The following EYS variants were observed in gnomAD, a reference collection of about 807,000 sequenced individuals.
EYS encodes protein eyes shut homolog.
Under a neutral mutation model 282.1 loss-of-function variants are expected in EYS, and 250 were observed. The observed-to-expected ratio is 0.89, with a 90% confidence interval of 0.80 to 0.98. EYS has a LOEUF of 0.98. Ranked by LOEUF, EYS falls within the 50% of genes least tolerant of loss-of-function variation. The probability of loss-of-function intolerance (pLI) is 0.00; values close to 1 mark genes in which losing one functional copy is unlikely to be tolerated. For missense variants in EYS, 4,016 were observed against 3,709.0 expected, an observed-to-expected ratio of 1.08 and a Z score of -2.15; for synonymous variants, 1,355 against 1,282.9, an observed-to-expected ratio of 1.06 and a Z score of -1.20.
intron 35 of EYS, among the ~76,000 whole-genome samples, chr6:63,884,324 AT>A (rs1407944050): frequency 6.6e-6 from 1 of 152,044 alleles, no homozygotes; most frequent in African/African-American, 2.4e-5. Context: ...AAAAATTCAA[AT>A]TTTAGATGCA....
chr6:63,780,833 T>A (rs894921965), intron 39 of EYS, among the ~76,000 whole-genome samples: 2 of 152,250 alleles, frequency 1.3e-5, no homozygotes, highest in Non-Finnish European at 2.9e-5. Flanking sequence ...TATGCCTATG[T>A]CCTGAATGGT....
chr6:65,373,486 A>C (rs2150343526), intron 8 of EYS, among the ~76,000 whole-genome samples: 1 of 152,152 alleles, frequency 6.6e-6, no homozygotes, highest in Admixed American at 6.6e-5. Context: ...TCTGGGAGGT[A>C]AAATCAATTT....
At chr6:64,462,268 T>A (rs965294462) in intron 26 of EYS, among the ~76,000 whole-genome samples, 2 of 152,208 alleles carry the variant, frequency 1.3e-5, no homozygotes, top group East Asian at 3.8e-4. Flanking sequence ...GATGACATAA[T>A]GCTTAGAGAA....
chr6:63,942,072 T>A (rs1765260115), intron 35 of EYS, among the ~76,000 whole-genome samples: 1 of 152,224 alleles, frequency 6.6e-6, no homozygotes, highest in Non-Finnish European at 1.5e-5. Flanking sequence ...TAGGAAAACA[T>A]GATGTCTCTA....
intron 15 of EYS, among the ~76,000 whole-genome samples, chr6:64,943,092 A>G (rs997210318): frequency 6.6e-6 from 1 of 152,150 alleles, no homozygotes; most frequent in Non-Finnish European, 1.5e-5. Context: ...CTGCATAAAC[A>G]GAATTAAAAA....
chr6:65,179,025 C>T (rs1378972181), intron 12 of EYS, among the ~76,000 whole-genome samples: 1 of 152,006 alleles, frequency 6.6e-6, no homozygotes, highest in Non-Finnish European at 1.5e-5. Context: ...AGAACAAAGA[C>T]ACAACATACC....
chr6:64,222,903 T>C (rs1359544691), intron 31 of EYS, among the ~76,000 whole-genome samples: 1 of 151,820 alleles, frequency 6.6e-6, no homozygotes, highest in East Asian at 1.9e-4. Flanking sequence ...TTTAGTCTTA[T>C]ATTAAGTCCA....
At chr6:64,365,909 G>T (rs1196233291) in intron 29 of EYS, among the ~76,000 whole-genome samples, 2 of 152,032 alleles carry the variant, frequency 1.3e-5, no homozygotes, top group African/African-American at 4.8e-5. Context: ...AAGGACTACT[G>T]TAATCTGCAG....
At chr6:64,449,453 C>T (rs1775239922) in intron 26 of EYS, among the ~76,000 whole-genome samples, 1 of 152,152 alleles carries the variant, frequency 6.6e-6, no homozygotes, top group East Asian at 1.9e-4. Context: ...CCCAGGAGAA[C>T]TTCCCCAATC....
intron 22 of EYS, among the ~76,000 whole-genome samples, chr6:64,791,134 A>G (rs1367080510): frequency 2.6e-5 from 4 of 151,888 alleles, no homozygotes; most frequent in Non-Finnish European, 5.9e-5. Context: ...ATTGTTTTGC[A>G]TAATGTGCAT....
chr6:65,506,247 T>C (rs1486756151), intron 2 of EYS, among the ~76,000 whole-genome samples: 1 of 152,130 alleles, frequency 6.6e-6, no homozygotes, highest in African/African-American at 2.4e-5. Flanking sequence ...AAATAGATTA[T>C]AGGTGGGTCT....
chr6:64,413,525 AAACAACAACAACAACAAC>A (rs140486442), intron 28 of EYS, among the ~76,000 whole-genome samples: 1 of 146,214 alleles, frequency 6.8e-6, no homozygotes. Flanking sequence ...ATTCTTGTCC[AAACAACAACAACAACAAC>A]AACAACAACA....
intron 31 of EYS, among the ~76,000 whole-genome samples, chr6:64,112,335 AT>A: frequency 6.6e-6 from 1 of 151,826 alleles, no homozygotes; most frequent in East Asian, 1.9e-4. Context: ...AAGAAGTTTA[AT>A]TGATTTTTCC....
intron 12 of EYS, among the ~76,000 whole-genome samples, chr6:65,293,647 A>G (rs1019490125): frequency 5.9e-5 from 9 of 151,960 alleles, no homozygotes; most frequent in African/African-American, 2.2e-4. Flanking sequence ...AGTTTTCTTA[A>G]AGTGGTTCAC....
intron 2 of EYS, among the ~76,000 whole-genome samples, chr6:65,509,561 T>C (rs1167131741): frequency 6.6e-6 from 1 of 152,226 alleles, no homozygotes. Flanking sequence ...TTGGGTTTTT[T>C]GTTTTTGTAT....
At chr6:64,029,888 A>C (rs1769736668) in intron 33 of EYS, among the ~76,000 whole-genome samples, 1 of 152,280 alleles carries the variant, frequency 6.6e-6, no homozygotes, top group Non-Finnish European at 1.5e-5. Flanking sequence ...CCCATGCTGC[A>C]ATATGGAAAG....
chr6:64,866,711 C>T, intron 19 of EYS, among the ~76,000 whole-genome samples: 1 of 151,132 alleles, frequency 6.6e-6, no homozygotes, highest in African/African-American at 2.4e-5. Context: ...TATTTTTGTC[C>T]AAATATATCT....
At chr6:64,156,865 T>A (rs936498155) in intron 31 of EYS, among the ~76,000 whole-genome samples, 15 of 150,926 alleles carry the variant, frequency 9.9e-5, no homozygotes, top group Non-Finnish European at 1.8e-4. Flanking sequence ...GCATTCAGTT[T>A]TTTTTTTAAT....
At chr6:65,498,443 G>A (rs1562223898) in intron 2 of EYS, among the ~76,000 whole-genome samples, 1 of 151,956 alleles carries the variant, frequency 6.6e-6, no homozygotes, top group Admixed American at 6.6e-5. Flanking sequence ...TAAATGCGAG[G>A]AAACAAATTA....
Sources: gnomAD v4.1 joint callset for allele counts (sites outside exome capture counted in the v4.1 genomes callset) on GRCh38, gnomAD v4.1.1 for gene constraint, MANE v1.5 for transcripts, NCBI Gene and HGNC (gene_info 2026-07-23, HGNC 2026-07-21) for gene names.